POLR1C: variants seen among roughly 807,000 people sequenced by gnomAD.
POLR1C encodes DNA-directed RNA polymerases I and III subunit RPAC1.
In POLR1C, 42 loss-of-function variants were observed where a neutral mutation model predicts 38.3. The observed-to-expected ratio is 1.10, with a 90% CI of 0.86 to 1.42. The LOEUF (loss-of-function observed/expected upper bound fraction) is 1.42, where lower values mean the gene tolerates loss of function less well. POLR1C is among the 40% of genes most tolerant of loss of function. The probability of loss-of-function intolerance (pLI) is 0.00; values close to 1 mark genes in which losing one functional copy is unlikely to be tolerated. For missense variants in POLR1C, 507 were observed against 450.5 expected (o/e 1.13, Z -1.14); for synonymous variants, 163 against 163.9 (o/e 0.99, Z 0.04).
downstream of POLR1C, chr6:43,523,662 A>C: frequency 1.2e-6 from 1 of 851,384 alleles, no homozygotes; most frequent in Non-Finnish European, 2.0e-6. Context: ...AGAATAGTTT[A>C]AGCCCTAACT....
chr6:43,520,281 C>G lies in POLR1C; in HGVS notation c.509C>G (p.Thr170Ser). 6.2e-7 allele frequency: 1 copy of G among 1,613,028 alleles called. No individual in the cohort carries two copies. Among genetic ancestry groups the G allele is most frequent in the Non-Finnish European group, 8.5e-7 (1 of 1,180,024 alleles). The change falls in exon 6 of 9, where the codon ACC becomes AGC. Residue 170 changes from threonine to serine, a missense_variant. Transcript: ENST00000642195. ...NELYVNHKVY[T>S]RHMTWIPLGN... ...TGACATGTTTTTCCTCCAGTGTATA[C>G]CAGGCATATGACATGGATCCCCCTG...
Position 43,545,159 on chromosome 6 carries a change from C to T in POLR1C, c.*5-5809C>T, listed in dbSNP as rs191446201. Among the ~76,000 whole-genome samples the T allele has an allele frequency of 2.2e-3, 341 of 152,168 alleles. 1 individual carries two copies. Among genetic ancestry groups the T allele is most frequent in the African/African-American group, 8.0e-3 (334 of 41,530 alleles). On this transcript the variant is annotated intron_variant, in intron 9 of 10. Transcript: ENST00000607635. ...AAGTGCTGGGATTACAGGTGTGAGC[C>T]ACCACACCCCGCCAAAATATTGTCT...
chr6:43,545,574 G>C (rs1582219703), intron 9 of POLR1C, among the ~76,000 whole-genome samples: 1 of 152,088 alleles, frequency 6.6e-6, no homozygotes, highest in Non-Finnish European at 1.5e-5. Context: ...AGGAGTGGTG[G>C]TGCACACCTG....
intron 10 of POLR1C, chr6:43,551,520 A>G (rs1453963882): frequency 1.1e-5 from 18 of 1,574,890 alleles, no homozygotes; most frequent in African/African-American, 2.7e-5. Context: ...TTTTGGCTAC[A>G]TTTTATTTTC....
exon 11 of POLR1C, chr6:43,562,070 T>G: frequency 2.2e-6 from 1 of 455,336 alleles, no homozygotes; most frequent in East Asian, 3.4e-5. Flanking sequence ...GAAATTTAGA[T>G]CACTCAAACA....
chr6:43,551,483 A>G lies in POLR1C; in HGVS notation c.*48+472A>G, dbSNP rs770465052. 3.7e-6 allele frequency: 6 copies of G among 1,605,330 alleles called. No homozygotes were observed. In the Admixed American group the frequency reaches 1.0e-4, roughly 28 times the overall value. On this transcript the variant is annotated intron_variant, in intron 10 of 10. Coordinates refer to the POLR1C transcript ENST00000607635. Reference sequence around the variant, plus strand: ...AACAAAGACATAAAACAGGTTGACAATGGCTGCCTCCACTTAGAAATAACC... The same window carrying G: ...AACAAAGACATAAAACAGGTTGACAGTGGCTGCCTCCACTTAGAAATAACC...
At chr6:43,520,043 AG>A (rs1561857382) in intron 4 of POLR1C, 22 bp from the exon 5 acceptor site, 1 of 1,613,726 alleles carries the variant, frequency 6.2e-7, no homozygotes, top group Non-Finnish European at 8.5e-7. Context: ...ACTAGTTCTT[AG>A]GAGCTCCCTC....
At chr6:43,556,033 A>G in intron 10 of POLR1C, 1 of 1,579,372 alleles carries the variant, frequency 6.3e-7, no homozygotes, top group Non-Finnish European at 8.6e-7. Context: ...CTTAATGTTT[A>G]TTAATTTACC....
intron 6 of POLR1C, 32 bp downstream of exon 6, chr6:43,520,459 G>T: frequency 1.2e-6 from 2 of 1,612,270 alleles, no homozygotes; most frequent in East Asian, 2.2e-5. Flanking sequence ...CTGGGAAGGG[G>T]GATAGTTCGG....
intron 9 of POLR1C, chr6:43,546,805 A>C (rs1214575466): frequency 1.1e-5 from 15 of 1,398,696 alleles, no homozygotes; most frequent in Admixed American, 2.6e-5. Context: ...AAAAAAAAAG[A>C]CCAAATACTG....
intron 10 of POLR1C, chr6:43,554,907 T>G (rs2127737486): frequency 6.6e-6 from 1 of 152,102 alleles, no homozygotes; most frequent in East Asian, 1.9e-4. Context: ...ATGGTGCTTT[T>G]CTAAAGCAGT....
chr6:43,526,360 C>G (rs1582193235), downstream of POLR1C: 1 of 415,424 alleles, frequency 2.4e-6, no homozygotes, highest in East Asian at 4.3e-5. Context: ...AAGAATAAAG[C>G]AGAGGAATAC....
At chr6:43,524,512 G>T, downstream of POLR1C, 1 of 1,613,824 alleles carries the variant, frequency 6.2e-7, no homozygotes, top group Non-Finnish European at 8.5e-7. Flanking sequence ...TGGTCCTTTC[G>T]GCGCTTGTCA....
At chr6:43,531,894 T>C (rs1794007972), downstream of POLR1C, among the ~76,000 whole-genome samples, 1 of 152,172 alleles carries the variant, frequency 6.6e-6, no homozygotes, top group Non-Finnish European at 1.5e-5. Flanking sequence ...AATTAAGTTA[T>C]GAAACCCCTT....
chr6:43,533,306 C>T (rs1007596259), downstream of POLR1C: 3 of 151,130 alleles, frequency 2.0e-5, no homozygotes, highest in Admixed American at 6.6e-5. Flanking sequence ...GGTTAAAGGC[C>T]ATGATTTATT....
At chr6:43,525,474 TAAAAG>T (rs1355578222), downstream of POLR1C, 2 of 510,528 alleles carry the variant, frequency 3.9e-6, no homozygotes, top group East Asian at 6.6e-5. Context: ...GCAGGAAAAA[TAAAAG>T]GAGTTTACTT....
chr6:43,560,848 A>G (rs1263203580), intron 10 of POLR1C: 5 of 1,199,206 alleles, frequency 4.2e-6, no homozygotes, highest in Admixed American at 1.7e-5. Context: ...ATGATCTACA[A>G]TAATATTTCA....
intron 2 of POLR1C, among the ~76,000 whole-genome samples, chr6:43,518,570 C>T (rs1010399586): frequency 2.0e-5 from 3 of 152,106 alleles, no homozygotes; most frequent in Non-Finnish European, 2.9e-5. Flanking sequence ...TTAAGGTGAC[C>T]TGGGAGAGAG....
At chr6:43,525,966 G>C (rs376794722), downstream of POLR1C, 1,855 of 1,599,510 alleles carry the variant, frequency 1.2e-3, 2 homozygotes, top group Admixed American at 2.7e-3. Context: ...TTTCAGAACA[G>C]AGAAGAATAT....
Sources: allele counts gnomAD v4.1 joint callset (sites outside exome capture counted in the v4.1 genomes callset), GRCh38; gene constraint gnomAD v4.1.1; transcripts MANE v1.5; gene names NCBI Gene and HGNC (gene_info 2026-07-23, HGNC 2026-07-21).